The following LARS1 variants were observed in gnomAD, a reference collection of about 807,000 sequenced individuals.
LARS1 encodes the protein leucyl-tRNA synthetase 1, also known as leucine--tRNA ligase, cytoplasmic.
In LARS1, 100 loss-of-function variants were observed where a neutral mutation model predicts 162.8. The ratio of observed to expected loss-of-function variants is 0.61; its 90% confidence interval spans 0.52 to 0.73. The LOEUF (loss-of-function observed/expected upper bound fraction) is 0.73. Among genes scored for constraint, LARS1 ranks in the 30% least tolerant of loss-of-function variants. The pLI, the probability that LARS1 is intolerant of heterozygous loss-of-function variation, is 0.00. For missense variants in LARS1, 1,258 were observed against 1,408.9 expected (o/e 0.89, Z 1.71); for synonymous variants, 457 against 462.8 (o/e 0.99, Z 0.16).
At position 146,172,956 on chromosome 5, in the gene LARS1, A is replaced by C. The variant is rs530932164; in HGVS notation, c.126-182T>G. Among the ~76,000 whole-genome samples the C allele has an allele frequency of 5.3e-5, 8 of 152,344 alleles. No individual in the cohort carries two copies. In the East Asian group the frequency reaches 1.3e-3, roughly 26 times the overall value. ...TCTCTAAAATTGAAAATTACTTTAG[A>C]TTTACAAGAAATAAGACATTGATAG... On this transcript the variant is annotated intron_variant, in intron 2 of 31. Coordinates refer to ENST00000394434, the MANE Select transcript of LARS1 (RefSeq NM_020117.11).
chr5:146,152,684 A>G (rs557370113), intron 13 of LARS1, among the ~76,000 whole-genome samples: 29 of 152,346 alleles, frequency 1.9e-4, no homozygotes, highest in African/African-American at 6.7e-4. Context: ...AACTAGATTC[A>G]TGGATGGTTG....
chr5:146,149,799 C>A, intron 14 of LARS1, 100 bp from the exon 15 acceptor site: 1 of 799,248 alleles, frequency 1.3e-6, no homozygotes, highest in South Asian at 1.5e-5. Context: ...TTCTGCCCAC[C>A]GAAATATTTT....
At position 146,144,606 on chromosome 5, in the gene LARS1, T is replaced by G; in HGVS notation, c.1589+18A>C. 1 of 1,613,672 alleles carries G rather than the reference T, an allele frequency of 6.2e-7. No homozygotes were observed. Reference sequence around the variant, plus strand: ...GAGCAAATTGACTAGGGGAATTTTCTTGCTATAAGAGACTAACCACTGGTC... The same window carrying G: ...GAGCAAATTGACTAGGGGAATTTTCGTGCTATAAGAGACTAACCACTGGTC... On this transcript the variant is annotated intron_variant, in intron 16 of 31. Coordinates refer to ENST00000394434, the MANE Select transcript of LARS1 (RefSeq NM_020117.11).
At chr5:146,161,860 T>G (rs930018073) in intron 6 of LARS1, among the ~76,000 whole-genome samples, 1 of 152,252 alleles carries the variant, frequency 6.6e-6, no homozygotes, top group Non-Finnish European at 1.5e-5. Context: ...CAATGTTCAC[T>G]GCACCTTTAC....
At chr5:146,114,739 C>A (rs13162233) in intron 31 of LARS1, among the ~76,000 whole-genome samples, 34,122 of 151,606 alleles carry the variant, frequency 0.23, 4,839 homozygotes, top group Admixed American at 0.34. Context: ...CTATCTCAAA[C>A]AAACAAACAA....
rs570055233 is a variant in LARS1, at chr5:146,163,610, C to T, written c.594+700G>A. Among the ~76,000 whole-genome samples the T allele has an allele frequency of 8.6e-5, 13 of 151,812 alleles. No individual in the cohort carries two copies. The East Asian group carries it at 1.7e-3, about 20-fold the overall frequency. ...CTGAGGCAGAAGAATAGCTTGAACC[C>T]GGGAGGCGGAGGTTGCCGTGAGCCG... is the stretch of plus-strand genomic sequence containing the variant. On this transcript the variant is annotated intron_variant, in intron 6 of 31. Coordinates refer to ENST00000394434, the MANE Select transcript of LARS1 (RefSeq NM_020117.11).
At chr5:146,180,903 T>A (rs1480640256) in intron 1 of LARS1, 2 of 152,240 alleles carry the variant, frequency 1.3e-5, no homozygotes, top group African/African-American at 4.8e-5. Flanking sequence ...CACTGCAGGA[T>A]GTTTAGAAGC....
At position 146,153,873 on chromosome 5, in the gene LARS1, GAAAT is replaced by G. The variant is rs780970468; in HGVS notation, c.1153+16_1153+19del. On this transcript the variant is annotated intron_variant, in intron 11 of 31. Transcript: ENST00000394434. ...AAATGTGTTTATCAAAATATTTCTAGAAATAAATAAACTCTTTACCTTTATCCTC... is the reference window on the plus strand; with the variant it reads ...AAATGTGTTTATCAAAATATTTCTAGAAATAAACTCTTTACCTTTATCCTC... 21 of 1,606,826 alleles carry G rather than the reference GAAAT, an allele frequency of 1.3e-5. No individual in the cohort carries two copies. Among genetic ancestry groups the G allele is most frequent in the African/African-American group, 1.1e-4 (8 of 74,702 alleles).
intron 24 of LARS1, 25 bp downstream of exon 24, chr5:146,130,994 G>A: frequency 7.5e-7 from 1 of 1,330,910 alleles, no homozygotes; most frequent in Non-Finnish European, 1.1e-6. Flanking sequence ...ATGTTTTATA[G>A]CTACCAAAAG....
chr5:146,141,889 G>A (rs772697049), intron 20 of LARS1, among the ~76,000 whole-genome samples: 12 of 152,036 alleles, frequency 7.9e-5, no homozygotes, highest in Admixed American at 2.0e-4. Flanking sequence ...GGCTGGGCAC[G>A]GTGGCTCATG....
In LARS1 at chr5:146,182,612, C is replaced by T. The variant is rs1363569115; in HGVS notation, c.-119G>A. ...AGGCCTCCCACGAAACTAAAGCACA[C>T]GCTTCACACCTGCTGAGGCAATCAT... is the stretch of plus-strand genomic sequence containing the variant. On this transcript the variant is annotated 5_prime_UTR_variant, in exon 1 of 32. The change creates a new upstream start codon in the 5' untranslated region. Coordinates refer to ENST00000394434, the MANE Select transcript of LARS1 (RefSeq NM_020117.11). 7.7e-7 allele frequency: 1 copy of T among 1,294,452 alleles called. No homozygotes were observed. Among genetic ancestry groups the T allele is most frequent in the South Asian group, 1.2e-5 (1 of 84,294 alleles). The allele number at this position is 1,294,452 out of a possible 1,614,324, so 80.2% of individuals were successfully genotyped here.
intron 2 of LARS1, among the ~76,000 whole-genome samples, chr5:146,174,509 T>TATATCC (rs1754439643): frequency 1.3e-5 from 1 of 74,356 alleles, no homozygotes; most frequent in African/African-American, 4.4e-5. Context: ...TCCATATATA[T>TATATCC]ATATATATAT....
intron 31 of LARS1, among the ~76,000 whole-genome samples, chr5:146,119,067 C>T (rs535669459): frequency 1.3e-4 from 20 of 152,230 alleles, no homozygotes; most frequent in Non-Finnish European, 8.8e-5. Flanking sequence ...TAAATTAGTC[C>T]CTGATCCCTG....
intron 13 of LARS1, among the ~76,000 whole-genome samples, chr5:146,152,759 A>G (rs191944316): frequency 2.6e-4 from 39 of 152,352 alleles, no homozygotes; most frequent in African/African-American, 9.4e-4. Flanking sequence ...CTAGTAATTT[A>G]AAAGTTTTTC....
Position 146,129,021 on chromosome 5 carries a change from A to C in LARS1, c.2726T>G (p.Leu909Arg). ...CATATAGTTCTTGAGTCGTAGTCTAAGGTCATGTGTTACTTCCATAAGATA... is the reference window on the plus strand; with the variant it reads ...CATATAGTTCTTGAGTCGTAGTCTACGGTCATGTGTTACTTCCATAAGATA... ...SQYLMEVTHD[L>R]RLRLKNYMMP... Residue 909 changes from leucine (L) to arginine (R), a missense_variant, in exon 26 of 32, where the codon CTT (leucine) becomes CGT (arginine). Physicochemically the swap from Leu to Arg is moderately radical, Grantham distance 102. Transcript: ENST00000394434. The C allele has an allele frequency of 6.2e-7, 1 of 1,610,730 alleles. No individual in the cohort carries two copies. Among genetic ancestry groups the C allele is most frequent in the Non-Finnish European group, 8.5e-7 (1 of 1,178,694 alleles).
Position 146,113,524 on chromosome 5 carries a change from T to TTTATAA in LARS1, c.*581_*582insTTATAA, listed in dbSNP as rs1764067221. On this transcript the variant is annotated 3_prime_UTR_variant, in exon 32 of 32. Transcript: ENST00000394434. ...TAGCCTTGAAGAAGCCATTATTGGT[T>TTTATAA]CTTAGTTGAATAATTAAAGCTTTAA... 1 of 152,408 alleles carries TTTATAA rather than the reference T, an allele frequency of 6.6e-6. No homozygotes were observed. The highest frequency in any genetic ancestry group is 2.1e-4 in the South Asian group (1 of 4,836). The allele number at this position is 152,408 out of a possible 1,614,324, so 9.4% of individuals were successfully genotyped here.
chr5:146,139,038 GT>G (rs1752638891), intron 21 of LARS1: 1 of 137,974 alleles, frequency 7.2e-6, no homozygotes, highest in South Asian at 4.6e-5. Context: ...AAGTGGATTT[GT>G]GAAAAAAAAA....
In LARS1 at chr5:146,172,689, C is replaced by T; in HGVS notation, c.211G>A (p.Glu71Lys). Residue 71 changes from glutamate to lysine, a missense_variant and splice_region_variant, in exon 3 of 32, where the codon GAG becomes AAG. Coordinates refer to ENST00000394434, the MANE Select transcript of LARS1 (RefSeq NM_020117.11). ...LGHTFSLSKCEFAVGYQRLKG... is the reference protein window; with the variant it reads ...LGHTFSLSKCKFAVGYQRLKG... ...TAGCAAACATAGGGAAACATTACCT[C>T]ACATTTGGATAAAGAAAACGTGTGT... is the stretch of plus-strand genomic sequence containing the variant. 6.5e-7 allele frequency: 1 copy of T among 1,549,622 alleles called. No individual in the cohort carries two copies. Among genetic ancestry groups the T allele is most frequent in the Non-Finnish European group, 8.8e-7 (1 of 1,141,300 alleles).
intron 2 of LARS1, among the ~76,000 whole-genome samples, chr5:146,174,678 G>A (rs1280712929): frequency 6.7e-6 from 1 of 149,424 alleles, no homozygotes; most frequent in African/African-American, 2.4e-5. Context: ...ACAAGCCCAG[G>A]CCCAGTCAAT....
Sources: gnomAD v4.1 joint callset for allele counts (sites outside exome capture counted in the v4.1 genomes callset) on GRCh38, gnomAD v4.1.1 for gene constraint, MANE v1.5 for transcripts, NCBI Gene and HGNC (gene_info 2026-07-23, HGNC 2026-07-21) for gene names.